The following RIMS2 variants were observed in gnomAD, a reference collection of about 807,000 sequenced individuals.
RIMS2 encodes regulating synaptic membrane exocytosis protein 2.
Under a neutral mutation model 174.4 loss-of-function variants are expected in RIMS2, and 59 were observed. The ratio of observed to expected loss-of-function variants is 0.34; its 90% CI spans 0.27 to 0.42. RIMS2 has a LOEUF of 0.42. Among genes scored for constraint, RIMS2 ranks in the 10% least tolerant of loss-of-function variants. The pLI, the probability that RIMS2 is intolerant of heterozygous loss-of-function variation, is 1.00. For synonymous variants in RIMS2, 606 were observed against 572.5 expected, an observed-to-expected ratio of 1.06 and a Z score of -0.84; for missense variants, 1,620 against 1,666.3, an observed-to-expected ratio of 0.97 and a Z score of 0.48.
chr8:104,061,868 G>A (rs59227790), intron 19 of RIMS2, among the ~76,000 whole-genome samples: 117 of 151,858 alleles, frequency 7.7e-4, no homozygotes, highest in African/African-American at 2.8e-3. Context: ...ATCAAACAAT[G>A]GTATGATTAA....
chr8:104,025,646 G>A (rs902850268), intron 19 of RIMS2, among the ~76,000 whole-genome samples: 38 of 151,570 alleles, frequency 2.5e-4, no homozygotes, highest in African/African-American at 8.2e-4. Context: ...GAAAATTTTT[G>A]TTTTATATTT....
At chr8:103,692,658 G>A (rs2097045801) in intron 1 of RIMS2, among the ~76,000 whole-genome samples, 2 of 152,130 alleles carry the variant, frequency 1.3e-5, no homozygotes, top group Admixed American at 1.3e-4. Flanking sequence ...GTTCCTTTCT[G>A]GCCCAGAGTA....
At position 103,780,237 on chromosome 8, in the gene RIMS2, G is replaced by A. The variant is rs961923009; in HGVS notation, c.698+13700G>A. 5.9e-5 allele frequency among the ~76,000 whole-genome samples: 9 copies of A among 152,010 alleles called. No individual in the cohort carries two copies. The South Asian group carries it at 6.2e-4, about 11-fold the overall frequency. On this transcript the variant is annotated intron_variant, in intron 3 of 23. Coordinates refer to ENST00000504942, the Ensembl canonical transcript of RIMS2. ...GACTTGAGTTAGTATTATTTGGGTC[G>A]AATCTCTTTGATATTCTCTGACCTT...
At chr8:104,106,485 A>G (rs966917962) in intron 19 of RIMS2, among the ~76,000 whole-genome samples, 6 of 152,120 alleles carry the variant, frequency 3.9e-5, no homozygotes, top group Non-Finnish European at 5.9e-5. Flanking sequence ...TGGCATTACT[A>G]CTATTGATTA....
intron 3 of RIMS2, among the ~76,000 whole-genome samples, chr8:103,864,096 A>G (rs1259540019): frequency 1.3e-5 from 2 of 151,876 alleles, no homozygotes; most frequent in Non-Finnish European, 2.9e-5. Flanking sequence ...TTTAGTAAGG[A>G]TGGGGTTTCA....
At chr8:103,880,590 G>T in intron 3 of RIMS2, 1 of 455,546 alleles carries the variant, frequency 2.2e-6, no homozygotes, top group Non-Finnish European at 4.0e-6. Flanking sequence ...ATTTTGCCAG[G>T]GCTAGAAGGA....
At chr8:104,051,279 T>A (rs921474175) in intron 19 of RIMS2, among the ~76,000 whole-genome samples, 1 of 152,076 alleles carries the variant, frequency 6.6e-6, no homozygotes, top group Non-Finnish European at 1.5e-5. Context: ...TGTATGTGTG[T>A]GTATATATAT....
At chr8:104,019,703 A>G (rs903035059) in intron 19 of RIMS2, among the ~76,000 whole-genome samples, 28 of 152,136 alleles carry the variant, frequency 1.8e-4, no homozygotes, top group African/African-American at 6.8e-4. Flanking sequence ...TTAGAATGTC[A>G]CCCTTCTTCC....
At chr8:104,024,838 G>C (rs188098080) in intron 19 of RIMS2, among the ~76,000 whole-genome samples, 1 of 152,094 alleles carries the variant, frequency 6.6e-6, no homozygotes, top group Non-Finnish European at 1.5e-5. Context: ...GTTCTGGGTA[G>C]GTTTTCAGTC....
At chr8:103,819,855 C>T (rs1342808107) in intron 3 of RIMS2, among the ~76,000 whole-genome samples, 26 of 152,008 alleles carry the variant, frequency 1.7e-4, no homozygotes, top group Admixed American at 1.6e-3. Context: ...ACCTCTGAAA[C>T]GTAATACAGA....
chr8:103,726,858 C>T (rs1278026744), intron 2 of RIMS2, among the ~76,000 whole-genome samples: 1 of 150,710 alleles, frequency 6.6e-6, no homozygotes, highest in Admixed American at 6.6e-5. Flanking sequence ...CCTGCCTCAG[C>T]CTCCCAAGTA....
chr8:103,578,032 G>A (rs1350591761), intron 1 of RIMS2, among the ~76,000 whole-genome samples: 1 of 152,158 alleles, frequency 6.6e-6, no homozygotes, highest in African/African-American at 2.4e-5. Flanking sequence ...AGGGAATTGA[G>A]CAAGAACAAG....
chr8:103,656,642 A>G (rs2096535204), intron 1 of RIMS2, among the ~76,000 whole-genome samples: 1 of 152,214 alleles, frequency 6.6e-6, no homozygotes, highest in Non-Finnish European at 1.5e-5. Flanking sequence ...TATTCTCATA[A>G]CAAGAAAAAT....
intron 1 of RIMS2, among the ~76,000 whole-genome samples, chr8:103,553,156 T>C (rs11785857): frequency 0.18 from 27,340 of 151,594 alleles, 2,705 homozygotes; most frequent in African/African-American, 0.25. Context: ...TGTGTGTTTA[T>C]TGTGGCACTA....
chr8:103,861,060 G>T lies in RIMS2; in HGVS notation c.699-24238G>T, dbSNP rs541982381. 3.3e-5 allele frequency among the ~76,000 whole-genome samples: 5 copies of T among 151,954 alleles called. No individual in the cohort carries two copies. In the East Asian group the frequency reaches 9.7e-4, roughly 29 times the overall value. On this transcript the variant is annotated intron_variant, in intron 3 of 23. Coordinates refer to ENST00000504942, the Ensembl canonical transcript of RIMS2. ...ATATATTGCATAATGGTGAGGTTTGGACTTCTTGCCCATCACCCAAATAGT... is the reference window on the plus strand; with the variant it reads ...ATATATTGCATAATGGTGAGGTTTGTACTTCTTGCCCATCACCCAAATAGT...
At chr8:103,760,315 C>T (rs3107474) in intron 2 of RIMS2, among the ~76,000 whole-genome samples, 124,178 of 151,872 alleles carry the variant, frequency 0.82, 51,358 homozygotes, top group African/African-American at 0.94. Flanking sequence ...TCTGGAAGTT[C>T]TGCTGCTTGT....
chr8:103,909,047 A>G (rs1422137673), intron 4 of RIMS2, among the ~76,000 whole-genome samples: 3 of 152,066 alleles, frequency 2.0e-5, no homozygotes, highest in Admixed American at 1.3e-4. Context: ...CTCATCTTAA[A>G]CATTACTTGA....
intron 1 of RIMS2, among the ~76,000 whole-genome samples, chr8:103,672,573 T>C (rs903290728): frequency 6.6e-6 from 1 of 150,786 alleles, no homozygotes; most frequent in Non-Finnish European, 1.5e-5. Context: ...TGGGGAGAGG[T>C]GCCACACACT....
chr8:104,200,911 T>C (rs531515380), intron 19 of RIMS2, among the ~76,000 whole-genome samples: 1 of 152,280 alleles, frequency 6.6e-6, no homozygotes, highest in East Asian at 1.9e-4. Flanking sequence ...AGACCCTGTC[T>C]CAAAAACAAC....
Sources: gnomAD v4.1 joint callset for allele counts (sites outside exome capture counted in the v4.1 genomes callset) on GRCh38, gnomAD v4.1.1 for gene constraint, MANE v1.5 for transcripts, NCBI Gene and HGNC (gene_info 2026-07-23, HGNC 2026-07-21) for gene names.